AIG1: variants seen among roughly 807,000 people sequenced by gnomAD.
AIG1 encodes androgen induced 1.
Under a neutral mutation model 31.4 loss-of-function variants are expected in AIG1, and 23 were observed. That is an observed-to-expected ratio of 0.73 (90% CI 0.53 to 1.04). The LOEUF is 1.04. AIG1 is among the 50% of genes least tolerant of loss of function. The pLI, the probability that AIG1 is intolerant of heterozygous loss-of-function variation, is 0.00. For missense variants in AIG1, 274 were observed against 295.0 expected, an observed-to-expected ratio of 0.93 and a Z score of 0.52; for synonymous variants, 100 against 110.5, an observed-to-expected ratio of 0.90 and a Z score of 0.60.
chr6:143,129,314 G>T (rs555014264), intron 1 of AIG1, among the ~76,000 whole-genome samples: 6 of 152,108 alleles, frequency 3.9e-5, no homozygotes, highest in African/African-American at 1.4e-4. Context: ...AAAGAAAAAA[G>T]AAAATAGGAA....
At chr6:143,118,179 G>A (rs1781899617) in intron 1 of AIG1, among the ~76,000 whole-genome samples, 1 of 152,124 alleles carries the variant, frequency 6.6e-6, no homozygotes, top group African/African-American at 2.4e-5. Context: ...CATCATGCCC[G>A]GTGAGCACAT....
In AIG1 at chr6:143,192,935, CTGTCACATT is replaced by C. The variant is rs539006902; in HGVS notation, c.399+27756_399+27764del. ...GCTAGGGGCCAGCCACTTCCATATG[CTGTCACATT>C]TGTTCCCTAAGTAGCCCTGAGGGGG... On this transcript the variant is annotated intron_variant, in intron 3 of 5. Transcript: ENST00000357847. Among the ~76,000 whole-genome samples, 43 of 152,298 alleles carry C rather than the reference CTGTCACATT, an allele frequency of 2.8e-4. No homozygotes were observed. The East Asian group carries it at 8.1e-3, about 29-fold the overall frequency.
At chr6:143,187,604 G>T (rs1370987523) in intron 3 of AIG1, 1 of 1,535,980 alleles carries the variant, frequency 6.5e-7, no homozygotes, top group East Asian at 2.4e-5. Flanking sequence ...GCAATTAAAA[G>T]ATGTTGCGAC....
intron 1 of AIG1, among the ~76,000 whole-genome samples, chr6:143,089,671 G>A (rs1779124251): frequency 6.6e-6 from 1 of 152,178 alleles, no homozygotes; most frequent in Admixed American, 6.5e-5. Flanking sequence ...TAAACTCATG[G>A]TGAAATGTAA....
chr6:143,081,908 G>A (rs1301685122), intron 1 of AIG1, among the ~76,000 whole-genome samples: 2 of 152,058 alleles, frequency 1.3e-5, no homozygotes, highest in African/African-American at 2.4e-5. Flanking sequence ...GTCCTGCCTT[G>A]TGGCTCTTTT....
At chr6:143,192,610 A>G (rs79102157) in intron 3 of AIG1, among the ~76,000 whole-genome samples, 1 of 136,912 alleles carries the variant, frequency 7.3e-6, no homozygotes, top group Non-Finnish European at 1.6e-5. Flanking sequence ...CATCTCAAGA[A>G]AAAAAAAAAA....
At chr6:143,141,675 G>C (rs1313533310) in intron 2 of AIG1, among the ~76,000 whole-genome samples, 2 of 152,140 alleles carry the variant, frequency 1.3e-5, no homozygotes, top group Non-Finnish European at 2.9e-5. Context: ...CCCATGGGAG[G>C]CTCTTCTTAC....
At chr6:143,088,292 A>G (rs751238985) in intron 1 of AIG1, among the ~76,000 whole-genome samples, 6 of 151,812 alleles carry the variant, frequency 4.0e-5, no homozygotes, top group Non-Finnish European at 7.4e-5. Flanking sequence ...TTACATATGT[A>G]TACCTTTGCT....
chr6:143,093,825 C>T (rs561669791), intron 1 of AIG1, among the ~76,000 whole-genome samples: 88 of 152,166 alleles, frequency 5.8e-4, no homozygotes, highest in Middle Eastern at 6.8e-3. Context: ...GGGGAATAGC[C>T]GGTTGGTGGA....
At chr6:143,176,542 G>A (rs1009132292) in intron 3 of AIG1, among the ~76,000 whole-genome samples, 1 of 151,576 alleles carries the variant, frequency 6.6e-6, no homozygotes, top group Non-Finnish European at 1.5e-5. Flanking sequence ...GGAGATTGGG[G>A]GTGTAGTTCC....
Position 143,291,468 on chromosome 6 carries a change from C to T in AIG1, c.515+7243C>T, listed in dbSNP as rs957931123. Among the ~76,000 whole-genome samples, 1 of 152,212 alleles carries T rather than the reference C, an allele frequency of 6.6e-6. No individual in the cohort carries two copies. Among genetic ancestry groups the T allele is most frequent in the Non-Finnish European group, 1.5e-5 (1 of 68,036 alleles). On this transcript the variant is annotated intron_variant, in intron 4 of 5. Transcript: ENST00000357847. This position sits in a 1 kb window ranked among gnomAD's most constrained non-coding sequence, Gnocchi z 4.2. ...TTCAGAGACCCCTGCAAACCTCACACTTATGCACCCGACGCAGAGGTGAGC... is the reference window on the plus strand; with the variant it reads ...TTCAGAGACCCCTGCAAACCTCACATTTATGCACCCGACGCAGAGGTGAGC...
chr6:143,064,218 G>T (rs1192902971), intron 1 of AIG1, among the ~76,000 whole-genome samples: 1 of 152,138 alleles, frequency 6.6e-6, no homozygotes, highest in Non-Finnish European at 1.5e-5. Flanking sequence ...TTAAAATAGG[G>T]TAATTATCCT....
At chr6:143,189,115 C>T (rs1789548868) in intron 3 of AIG1, 1 of 704,192 alleles carries the variant, frequency 1.4e-6, no homozygotes, top group Admixed American at 6.3e-5. Flanking sequence ...ACTATCATGG[C>T]TCACCACACC....
rs533866816 is a variant in AIG1, at chr6:143,101,055, A to G, written c.142-35780A>G. On this transcript the variant is annotated intron_variant, in intron 1 of 5. Coordinates refer to ENST00000357847, the MANE Select transcript of AIG1 (RefSeq NM_016108.4). Reference sequence around the variant, plus strand: ...AAGTTTTATTTCATGTCATCTTTTTATGCATGCCTGAGAGGTTATTTTTCA... The same window carrying G: ...AAGTTTTATTTCATGTCATCTTTTTGTGCATGCCTGAGAGGTTATTTTTCA... Among the ~76,000 whole-genome samples, 3 of 152,182 alleles carry G rather than the reference A, an allele frequency of 2.0e-5. No homozygotes were observed. In the South Asian group the frequency reaches 6.2e-4, roughly 32 times the overall value.
At chr6:143,127,777 T>C (rs1035065529) in intron 1 of AIG1, among the ~76,000 whole-genome samples, 3 of 152,050 alleles carry the variant, frequency 2.0e-5, no homozygotes, top group Non-Finnish European at 4.4e-5. Context: ...AGCCTTCACC[T>C]CCCATGTTCA....
intron 3 of AIG1, among the ~76,000 whole-genome samples, chr6:143,245,167 C>T (rs1226998490): frequency 6.6e-6 from 1 of 152,146 alleles, no homozygotes; most frequent in Non-Finnish European, 1.5e-5. Flanking sequence ...ATAATAATCT[C>T]TTATATTAGT....
chr6:143,176,419 T>A (rs1262799573), intron 3 of AIG1, among the ~76,000 whole-genome samples: 1 of 152,170 alleles, frequency 6.6e-6, no homozygotes, highest in Non-Finnish European at 1.5e-5. Context: ...CTCAAGAGAT[T>A]GTTTTTTGTC....
At chr6:143,241,675 A>G (rs1794252274) in intron 3 of AIG1, among the ~76,000 whole-genome samples, 1 of 152,118 alleles carries the variant, frequency 6.6e-6, no homozygotes, top group Non-Finnish European at 1.5e-5. Context: ...TTTTCTCCCT[A>G]TTTTATAGGT....
At position 143,328,628 on chromosome 6, in the gene AIG1, TAC is replaced by T. The variant is rs1776805426; in HGVS notation, c.516-4650_516-4649del. 2.0e-5 allele frequency among the ~76,000 whole-genome samples: 3 copies of T among 152,370 alleles called. No individual in the cohort carries two copies. The highest frequency in any genetic ancestry group is 7.2e-5 in the African/African-American group (3 of 41,596). Reference sequence around the variant, plus strand: ...TTTTTTCATCGATGCATTATAGATGTACACAGTTTCAAGGTATATGTGTAATT... The same window carrying T: ...TTTTTTCATCGATGCATTATAGATGTACAGTTTCAAGGTATATGTGTAATT... On this transcript the variant is annotated intron_variant, in intron 4 of 5. Coordinates refer to ENST00000357847, the MANE Select transcript of AIG1 (RefSeq NM_016108.4). The surrounding 1 kb of genome is among the most constrained non-coding windows in gnomAD (Gnocchi z 4.0).
Sources: gnomAD v4.1 joint callset for allele counts (sites outside exome capture counted in the v4.1 genomes callset) on GRCh38, gnomAD v4.1.1 for gene constraint, Gnocchi (gnomAD v3.1) non-coding constraint, MANE v1.5 for transcripts, NCBI Gene and HGNC (gene_info 2026-07-23, HGNC 2026-07-21) for gene names.